Variants in TRIM4 observed in about 807,000 individuals in gnomAD.
TRIM4 encodes tripartite motif containing 4, also known as E3 ubiquitin-protein ligase TRIM4.
TRIM4 carries 29 observed loss-of-function variants against 33.7 expected under a neutral mutation model. The observed-to-expected ratio is 0.86, with a 90% CI of 0.64 to 1.17. The LOEUF is 1.17. TRIM4 is among the 50% of genes most tolerant of loss of function. The probability of loss-of-function intolerance (pLI) is 0.00; values close to 1 mark genes in which losing one functional copy is unlikely to be tolerated. For missense variants in TRIM4, 554 were observed against 593.7 expected (o/e 0.93, Z 0.69); for synonymous variants, 224 against 233.0 (o/e 0.96, Z 0.35).
At chr7:99,903,643 G>A in intron 3 of TRIM4, 45 bp from the exon 4 acceptor site, 1 of 1,611,364 alleles carries the variant, frequency 6.2e-7, no homozygotes, top group Non-Finnish European at 8.5e-7. Context: ...ACCTTCTCCT[G>A]GAGACCTGGA....
At chr7:99,893,980 TTTTAC>T (rs1445652514) in intron 5 of TRIM4, among the ~76,000 whole-genome samples, 1 of 151,992 alleles carries the variant, frequency 6.6e-6, no homozygotes, top group East Asian at 1.9e-4. Context: ...TTTTTTTTTT[TTTTAC>T]TTTAGTGATA....
At chr7:99,898,524 T>C (rs906665065) in intron 5 of TRIM4, among the ~76,000 whole-genome samples, 1 of 152,202 alleles carries the variant, frequency 6.6e-6, no homozygotes, top group African/African-American at 2.4e-5. Context: ...ATTGGGCTGG[T>C]AGATGCACCT....
Position 99,908,655 on chromosome 7 carries a change from GTTTGA to G in TRIM4, c.642_646del (p.Gln215TyrfsTer34). The G allele has an allele frequency of 6.2e-7, 1 of 1,614,160 alleles. No individual in the cohort carries two copies. Among genetic ancestry groups the G allele is most frequent in the Middle Eastern group, 1.6e-4 (1 of 6,062 alleles). On this transcript the variant is annotated frameshift_variant, in exon 3 of 6. Coordinates refer to ENST00000349062, the MANE Select transcript of TRIM4 (RefSeq NM_033091.3). LOFTEE classifies it high-confidence loss of function. ...GATGAGCTTCTTCAATGAAGCGATA[GTTTGA>G]TTGAGTTTTAACGTGTTCTCATTCA...
At chr7:99,894,668 C>A (rs1398095392) in intron 5 of TRIM4, among the ~76,000 whole-genome samples, 1 of 148,248 alleles carries the variant, frequency 6.7e-6, no homozygotes, top group Non-Finnish European at 1.5e-5. Flanking sequence ...CTCCATCCCC[C>A]CCCCAAAAAA....
intron 3 of TRIM4, among the ~76,000 whole-genome samples, chr7:99,907,862 T>C (rs576597156): frequency 6.6e-6 from 1 of 152,258 alleles, no homozygotes; most frequent in Admixed American, 6.5e-5. Flanking sequence ...ATTCACGTGA[T>C]ATGGAGGAAA....
chr7:99,902,656 T>C (rs1819202722), intron 5 of TRIM4, among the ~76,000 whole-genome samples: 1 of 152,048 alleles, frequency 6.6e-6, no homozygotes, highest in South Asian at 2.1e-4. Context: ...TTATTTTCAG[T>C]CTGTCCTACA....
At chr7:99,902,890 C>T (rs1443511201) in intron 5 of TRIM4, among the ~76,000 whole-genome samples, 1 of 152,014 alleles carries the variant, frequency 6.6e-6, no homozygotes, top group Non-Finnish European at 1.5e-5. Context: ...CCAACAGAGC[C>T]CTTCCTCTGA....
chr7:99,919,498 G>A lies in TRIM4; in HGVS notation c.-97C>T, dbSNP rs1188602425. On this transcript the variant is annotated 5_prime_UTR_variant, in exon 1 of 6. Coordinates refer to ENST00000349062, the MANE Select transcript of TRIM4 (RefSeq NM_033091.3). ...GGGGAGGCCAGACGACTTCCGAACC[G>A]CCGTCACCGCCTCACGTAAAAGGGT... is the stretch of plus-strand genomic sequence containing the variant. 5 of 1,282,248 alleles carry A rather than the reference G, an allele frequency of 3.9e-6. No homozygotes were observed. Among genetic ancestry groups the A allele is most frequent in the South Asian group, 1.7e-5 (1 of 60,112 alleles). The allele number at this position is 1,282,248 out of a possible 1,614,324, so 79.4% of individuals were successfully genotyped here.
At position 99,892,626 on chromosome 7, in the gene TRIM4, T is replaced by C. The variant is rs765932327; in HGVS notation, c.962A>G (p.Tyr321Cys). The change falls in exon 6 of 6, where the codon TAC becomes TGC. Residue 321 changes from tyrosine to cysteine, a missense_variant. Tyr to Cys is a radical substitution (Grantham distance 194). Coordinates refer to ENST00000349062, the MANE Select transcript of TRIM4 (RefSeq NM_033091.3). ...CTGAGGATTCCTCCATCCAGCAAAG[T>C]AGTTCCATGCTGAAGAAAACACTGG... ...SWPVFSSAWN[Y>C]FAGWRNPQKT... 7 of 1,614,188 alleles carry C rather than the reference T, an allele frequency of 4.3e-6. No individual in the cohort carries two copies. Among genetic ancestry groups the C allele is most frequent in the Admixed American group, 1.7e-5 (1 of 60,024 alleles).
intron 5 of TRIM4, among the ~76,000 whole-genome samples, chr7:99,897,528 A>G (rs1014305602): frequency 6.6e-6 from 1 of 152,214 alleles, no homozygotes; most frequent in African/African-American, 2.4e-5. Context: ...GTATTGAAAC[A>G]TCACACTGTA....
At chr7:99,913,166 A>AT (rs1819481906) in intron 1 of TRIM4, among the ~76,000 whole-genome samples, 1 of 152,230 alleles carries the variant, frequency 6.6e-6, no homozygotes, top group South Asian at 2.1e-4. Flanking sequence ...GTATGCATGA[A>AT]TTCTCTCATA....
Position 99,919,240 on chromosome 7 carries a change from G to T in TRIM4, c.162C>A (p.His54Gln). 1 of 1,537,164 alleles carries T rather than the reference G, an allele frequency of 6.5e-7. No homozygotes were observed. The highest frequency in any genetic ancestry group is 8.8e-7 in the Non-Finnish European group (1 of 1,141,380). ...GGPFPCPECR[H>Q]PSAPAALRPN... The stretch of plus-strand genomic sequence containing the variant: ...GTCGCAGCGCGGCGGGCGCCGATGG[G>T]TGCCGACATTCGGGGCAGGGGAACG... The change falls in exon 1 of 6, where the codon CAC (histidine) becomes CAA (glutamine). Residue 54 changes from histidine to glutamine, a missense_variant. Physicochemically the swap from His to Gln is conservative, Grantham distance 24. Around this residue, in one of 3 missense-constraint regions of TRIM4, gnomAD observed 233 missense variants for 203.1 expected, o/e 1.15. Transcript: ENST00000349062.
intron 5 of TRIM4, among the ~76,000 whole-genome samples, chr7:99,902,348 A>T (rs1425688114): frequency 2.0e-5 from 3 of 152,098 alleles, no homozygotes; most frequent in Non-Finnish European, 4.4e-5. Flanking sequence ...CCCAGGTTCA[A>T]GCGATTCTCC....
In TRIM4 at chr7:99,892,144, G is replaced by T. The variant is rs1357355577; in HGVS notation, c.*19C>A. The T allele has an allele frequency of 1.3e-6, 2 of 1,578,198 alleles. No homozygotes were observed. Among genetic ancestry groups the T allele is most frequent in the Non-Finnish European group, 1.7e-6 (2 of 1,163,560 alleles). On this transcript the variant is annotated 3_prime_UTR_variant, in exon 6 of 6. Coordinates refer to ENST00000349062, the MANE Select transcript of TRIM4 (RefSeq NM_033091.3). ...AGCTGGACTACAGGGAAGGAGTTTTGGTCAGGGGAAGAAAAGCCTCATTTC... is the reference window on the plus strand; with the variant it reads ...AGCTGGACTACAGGGAAGGAGTTTTTGTCAGGGGAAGAAAAGCCTCATTTC...
Position 99,919,280 on chromosome 7 carries a change from G to A in TRIM4, c.122C>T (p.Ala41Val), listed in dbSNP as rs1819636331. Reference sequence around the variant, plus strand: ...GCAGGGGAACGGGCCGCCGCCCGGCGCCCAGTTGCGGTGCAGGCAGCCGCG... The same window carrying A: ...GCAGGGGAACGGGCCGCCGCCCGGCACCCAGTTGCGGTGCAGGCAGCCGCG... ...FCRGCLHRNW[A>V]PGGGPFPCPE... Residue 41 changes from alanine (A) to valine (V), a missense_variant, in exon 1 of 6, where the codon GCG becomes GTG. This residue lies in a region of TRIM4 where 233 missense variants were observed against 203.1 expected (regional missense o/e 1.15). Transcript: ENST00000349062. The A allele has an allele frequency of 6.5e-7, 1 of 1,548,650 alleles. No individual in the cohort carries two copies. The highest frequency in any genetic ancestry group is 8.7e-7 in the Non-Finnish European group (1 of 1,147,330).
At chr7:99,918,146 C>T (rs1819598743) in intron 1 of TRIM4, among the ~76,000 whole-genome samples, 1 of 152,222 alleles carries the variant, frequency 6.6e-6, no homozygotes. Context: ...CAGATACAGA[C>T]AGGCACTGTC....
chr7:99,909,731 T>C lies in TRIM4; in HGVS notation c.394-71A>G, dbSNP rs77711029. The C allele has an allele frequency of 5.0e-5, 31 of 617,062 alleles. 1 individual carries two copies. 38.2% of individuals were successfully genotyped at this position (617,062 alleles called of 1,614,324 possible). On this transcript the variant is annotated intron_variant, in intron 1 of 5. Coordinates refer to ENST00000349062, the MANE Select transcript of TRIM4 (RefSeq NM_033091.3). Reference sequence around the variant, plus strand: ...TCATCATCTTCTTTTTTCTTTTTGTTTTTTTTTTTTTTTTTTTTTGAGACA... The same window carrying C: ...TCATCATCTTCTTTTTTCTTTTTGTCTTTTTTTTTTTTTTTTTTTGAGACA...
chr7:99,896,840 A>C (rs558205909), intron 5 of TRIM4, among the ~76,000 whole-genome samples: 1 of 152,374 alleles, frequency 6.6e-6, no homozygotes, highest in Admixed American at 6.5e-5. Flanking sequence ...CAGGGGGTGG[A>C]TCCAACTAAG....
chr7:99,905,270 T>C (rs1306981487), intron 3 of TRIM4, among the ~76,000 whole-genome samples: 2 of 152,158 alleles, frequency 1.3e-5, no homozygotes, highest in African/African-American at 2.4e-5. Context: ...TAGTGTAAAC[T>C]GGAACAATCA....
Sources: gnomAD v4.1 joint callset for allele counts (sites outside exome capture counted in the v4.1 genomes callset) on GRCh38, gnomAD v4.1.1 for gene constraint, gnomAD v4.1.1 regional missense constraint, MANE v1.5 for transcripts, NCBI Gene and HGNC (gene_info 2026-07-23, HGNC 2026-07-21) for gene names.